The following TMEM232 variants were observed in gnomAD, a reference collection of about 807,000 sequenced individuals.
TMEM232 encodes the protein transmembrane protein 232.
Under a neutral mutation model 78.8 loss-of-function variants are expected in TMEM232, and 80 were observed. That is an observed-to-expected ratio of 1.01 (90% CI 0.85 to 1.22). The LOEUF (loss-of-function observed/expected upper bound fraction) is 1.22. Ranked by LOEUF, TMEM232 falls within the 50% of genes most tolerant of loss-of-function variation. The pLI is 0.00. For missense variants in TMEM232, 881 were observed against 742.2 expected (o/e 1.19, Z -2.17); for synonymous variants, 297 against 254.3 (o/e 1.17, Z -1.60).
At chr5:110,480,490 T>C (rs531947565) in intron 12 of TMEM232, among the ~76,000 whole-genome samples, 1 of 152,082 alleles carries the variant, frequency 6.6e-6, no homozygotes, top group South Asian at 2.1e-4. Context: ...GATTTAGATT[T>C]TGTTTGGTTT....
chr5:110,622,660 A>G (rs2089511862), intron 7 of TMEM232, among the ~76,000 whole-genome samples: 1 of 152,078 alleles, frequency 6.6e-6, no homozygotes, highest in Non-Finnish European at 1.5e-5. Context: ...ATACGTGTGC[A>G]TGTGTCTTTA....
chr5:110,555,792 T>C (rs1044247510), intron 11 of TMEM232, among the ~76,000 whole-genome samples: 1 of 152,258 alleles, frequency 6.6e-6, no homozygotes, highest in African/African-American at 2.4e-5. Context: ...TTAAAATCCG[T>C]TTTGCCTGAA....
intron 2 of TMEM232, among the ~76,000 whole-genome samples, chr5:110,658,672 A>T (rs1267974827): frequency 2.0e-5 from 3 of 152,194 alleles, no homozygotes. Flanking sequence ...CTTAGAAACA[A>T]CTAAGCTTCT....
chr5:110,457,871 T>G (rs761182872), intron 12 of TMEM232, among the ~76,000 whole-genome samples: 143 of 152,196 alleles, frequency 9.4e-4, no homozygotes, highest in African/African-American at 3.3e-3. Context: ...ACAAATATCA[T>G]AGATAATAAT....
intron 1 of TMEM232, among the ~76,000 whole-genome samples, chr5:110,736,600 C>A (rs1260379280): frequency 6.6e-6 from 1 of 151,986 alleles, no homozygotes; most frequent in Non-Finnish European, 1.5e-5. Flanking sequence ...TCACTCTAAA[C>A]CCTTCTCATC....
At chr5:110,444,616 C>T (rs1415200000) in intron 12 of TMEM232, among the ~76,000 whole-genome samples, 6 of 152,254 alleles carry the variant, frequency 3.9e-5, no homozygotes, top group Middle Eastern at 6.8e-3. Flanking sequence ...GGCTTCTATT[C>T]TGCCATCTTG....
chr5:110,470,906 T>C (rs1044413766), intron 12 of TMEM232, among the ~76,000 whole-genome samples: 1 of 152,144 alleles, frequency 6.6e-6, no homozygotes, highest in Non-Finnish European at 1.5e-5. Context: ...ATTGAAAATC[T>C]ACAAATTGCC....
At chr5:110,735,465 G>C (rs896248458) in intron 1 of TMEM232, among the ~76,000 whole-genome samples, 1 of 151,942 alleles carries the variant, frequency 6.6e-6, no homozygotes. Context: ...GTTAATATTT[G>C]GGCTAAAAAT....
chr5:110,398,917 A>C (rs1197127087), intron 2 of TMEM232, among the ~76,000 whole-genome samples: 2 of 152,144 alleles, frequency 1.3e-5, no homozygotes, highest in Non-Finnish European at 1.5e-5. Flanking sequence ...CTGTTATAGT[A>C]GTTTCCAGTG....
intron 12 of TMEM232, among the ~76,000 whole-genome samples, chr5:110,522,060 G>A (rs1769600612): frequency 1.3e-5 from 2 of 152,118 alleles, no homozygotes; most frequent in Admixed American, 1.3e-4. Flanking sequence ...TTCAACACAT[G>A]AATACAAAAT....
chr5:110,694,083 C>T (rs113022874), intron 1 of TMEM232, among the ~76,000 whole-genome samples: 2 of 151,746 alleles, frequency 1.3e-5, no homozygotes, highest in African/African-American at 4.8e-5. Context: ...AAAGGGAAGC[C>T]CATCAGACTA....
rs140242014 is a variant in TMEM232 at position 110,406,185 on chromosome 5, A to G, written n.309-8331T>C. ...CTCATACATATCTGAGGTAGCTATAAAATGATATGCCAATTATGGAAAACA... is the reference window on the plus strand; with the variant it reads ...CTCATACATATCTGAGGTAGCTATAGAATGATATGCCAATTATGGAAAACA... On this transcript the variant is annotated intron_variant and non_coding_transcript_variant, in intron 2 of 8. Coordinates refer to the TMEM232 transcript ENST00000507188. Among the ~76,000 whole-genome samples, 1,256 of 151,820 alleles carry G rather than the reference A, an allele frequency of 8.3e-3. 19 individuals are homozygous for G. Among genetic ancestry groups the G allele is most frequent in the African/African-American group, 0.029 (1,191 of 41,458 alleles).
intron 11 of TMEM232, among the ~76,000 whole-genome samples, chr5:110,529,044 A>G (rs1236010120): frequency 6.6e-6 from 1 of 152,218 alleles, no homozygotes; most frequent in Non-Finnish European, 1.5e-5. Context: ...AATAAACATT[A>G]ATGCATCCAG....
intron 12 of TMEM232, among the ~76,000 whole-genome samples, chr5:110,441,992 A>C (rs1449079248): frequency 4.5e-5 from 1 of 22,344 alleles, no homozygotes; most frequent in African/African-American, 1.6e-4. Flanking sequence ...CTGTTGCCAG[A>C]GGTATTGGAG....
rs1580700200 is a variant in TMEM232 at position 110,442,926 on chromosome 5, C to T, written c.1704-18010G>A. ...CTTGTCTTTTCTCCTTACTTTCTTC[C>T]CAACAAATGGAGGCTCTCTCTCTGT... On this transcript the variant is annotated intron_variant, in intron 12 of 13. Transcript: ENST00000455884. Among the ~76,000 whole-genome samples the T allele has an allele frequency of 2.6e-5, 4 of 152,238 alleles. No individual in the cohort carries two copies. In the South Asian group the frequency reaches 8.3e-4, roughly 32 times the overall value.
intron 1 of TMEM232, among the ~76,000 whole-genome samples, chr5:110,720,037 T>C (rs1797432171): frequency 6.6e-6 from 1 of 152,144 alleles, no homozygotes; most frequent in African/African-American, 2.4e-5. Context: ...TTGCTCTTAA[T>C]TTAGAGAAGA....
intron 10 of TMEM232, among the ~76,000 whole-genome samples, chr5:110,589,904 T>A (rs1191742316): frequency 1.3e-5 from 2 of 152,150 alleles, no homozygotes; most frequent in African/African-American, 4.8e-5. Flanking sequence ...TCCCTCATAG[T>A]TTTTCAGCTC....
At chr5:110,525,639 AT>A (rs1383522812) in intron 12 of TMEM232, among the ~76,000 whole-genome samples, 1 of 151,874 alleles carries the variant, frequency 6.6e-6, no homozygotes, top group African/African-American at 2.4e-5. Flanking sequence ...TTTTTAAGTG[AT>A]GCAAGTAAAT....
intron 12 of TMEM232, among the ~76,000 whole-genome samples, chr5:110,508,885 T>A (rs1767295775): frequency 7.2e-6 from 1 of 139,384 alleles, no homozygotes; most frequent in African/African-American, 2.8e-5. Context: ...CATATATATG[T>A]GTATATATGT....
Sources: gnomAD v4.1 joint callset for allele counts (sites outside exome capture counted in the v4.1 genomes callset) on GRCh38, gnomAD v4.1.1 for gene constraint, MANE v1.5 for transcripts, NCBI Gene and HGNC (gene_info 2026-07-23, HGNC 2026-07-21) for gene names.